Variants in SDK1 observed in about 807,000 individuals in gnomAD.
SDK1 encodes protein sidekick-1.
A neutral mutation model predicts 245.5 loss-of-function variants in SDK1; 157 were observed. The ratio of observed to expected loss-of-function variants is 0.64; its 90% confidence interval spans 0.56 to 0.73. The LOEUF (loss-of-function observed/expected upper bound fraction) is 0.73. Among genes scored for constraint, SDK1 ranks in the 30% least tolerant of loss-of-function variants. SDK1 has a pLI of 0.00. For synonymous variants in SDK1, 1,647 were observed against 1,278.5 expected (o/e 1.29, Z -6.15); for missense variants, 3,583 against 3,002.3 (o/e 1.19, Z -4.52).
intron 1 of SDK1, among the ~76,000 whole-genome samples, chr7:3,377,597 G>C (rs956141089): frequency 2.0e-5 from 3 of 152,014 alleles, no homozygotes; most frequent in African/African-American, 4.8e-5. Context: ...TGTGTCTGTT[G>C]TAACAGTTCT....
chr7:3,640,513 T>C (rs1161974283), intron 3 of SDK1, among the ~76,000 whole-genome samples: 2 of 152,202 alleles, frequency 1.3e-5, no homozygotes, highest in African/African-American at 4.8e-5. Context: ...TGCAGAATAA[T>C]TGAGAACTTT....
chr7:3,821,285 C>G (rs1178852889), intron 4 of SDK1, among the ~76,000 whole-genome samples, 165 bp from the exon 5 acceptor site: 1 of 152,234 alleles, frequency 6.6e-6, no homozygotes, highest in Non-Finnish European at 1.5e-5. Flanking sequence ...GAGGCTCTCT[C>G]TGGCGTTGTC....
At chr7:3,987,161 T>C (rs1204024946) in intron 13 of SDK1, 25 bp from the exon 14 acceptor site, 6 of 1,612,950 alleles carry the variant, frequency 3.7e-6, no homozygotes, top group Non-Finnish European at 5.1e-6. Flanking sequence ...TTCCTCTTTT[T>C]CCTTTTCATC....
intron 35 of SDK1, among the ~76,000 whole-genome samples, chr7:4,181,900 C>T (rs1782622943): frequency 6.6e-6 from 1 of 152,130 alleles, no homozygotes; most frequent in Non-Finnish European, 1.5e-5. Context: ...TTGGCTGAGG[C>T]CTGAAGCACC....
rs149561310 is a variant in SDK1, at chr7:4,051,849, G to A, written c.2911+19G>A. On this transcript the variant is annotated intron_variant, in intron 19 of 44. Coordinates refer to ENST00000404826, the MANE Select transcript of SDK1 (RefSeq NM_152744.4). ...GAAGACAGTGAGTATTCCTTTCTGC[G>A]TGTCTCTTAAGTCACTTGTCAAAGA... is the stretch of plus-strand genomic sequence containing the variant. 5.0e-5 allele frequency: 80 copies of A among 1,596,762 alleles called. No homozygotes were observed. Among genetic ancestry groups the A allele is most frequent in the African/African-American group, 9.4e-5 (7 of 74,466 alleles).
chr7:3,558,647 G>C (rs932652376), intron 1 of SDK1, among the ~76,000 whole-genome samples: 1 of 152,162 alleles, frequency 6.6e-6, no homozygotes, highest in Middle Eastern at 3.2e-3. Flanking sequence ...CTGTTAGAGC[G>C]ACCGCTGGGA....
At chr7:3,538,263 T>C (rs1216517906) in intron 1 of SDK1, among the ~76,000 whole-genome samples, 1 of 152,190 alleles carries the variant, frequency 6.6e-6, no homozygotes, top group Non-Finnish European at 1.5e-5. Flanking sequence ...CTTTCACACC[T>C]CCCACTGCTG....
At chr7:4,171,648 C>T (rs913895983) in intron 32 of SDK1, among the ~76,000 whole-genome samples, 4 of 152,180 alleles carry the variant, frequency 2.6e-5, no homozygotes, top group African/African-American at 4.8e-5. Flanking sequence ...TCCCCTCATC[C>T]ACTGGTGGTG....
chr7:3,569,064 T>C (rs1385367347), intron 1 of SDK1, among the ~76,000 whole-genome samples: 1 of 151,814 alleles, frequency 6.6e-6, no homozygotes. Flanking sequence ...CTTAATTTTC[T>C]CATCTGAAAA....
intron 1 of SDK1, among the ~76,000 whole-genome samples, chr7:3,536,247 T>C (rs1195871134): frequency 6.9e-6 from 1 of 145,976 alleles, no homozygotes; most frequent in Non-Finnish European, 1.5e-5. Flanking sequence ...TGTGTGTTTT[T>C]ACTAGAGACG....
In SDK1 at chr7:4,129,978, C is replaced by T. The variant is rs1273485520; in HGVS notation, c.4010C>T (p.Ser1337Leu). 3.7e-6 allele frequency: 6 copies of T among 1,613,794 alleles called. No homozygotes were observed. Among genetic ancestry groups the T allele is most frequent in the South Asian group, 1.1e-5 (1 of 91,076 alleles). Residue 1337 changes from serine to leucine, a missense_variant, in exon 27 of 45, where the codon TCG becomes TTG. Transcript: ENST00000404826. ...ATCGTGCGAGGGAACCACACGCAGTCGGCCCTGCTGGCAGGCCTGCGCAAG... is the reference window on the plus strand; with the variant it reads ...ATCGTGCGAGGGAACCACACGCAGTTGGCCCTGCTGGCAGGCCTGCGCAAG... The part of the protein sequence containing the change: ...SHIVRGNHTQ[S>L]ALLAGLRKFV...
At chr7:4,060,042 G>C (rs1254959355) in intron 19 of SDK1, among the ~76,000 whole-genome samples, 1 of 151,948 alleles carries the variant, frequency 6.6e-6, no homozygotes, top group Non-Finnish European at 1.5e-5. Context: ...ACCACACCTA[G>C]CTAACTTTTT....
chr7:3,803,320 T>C lies in SDK1; in HGVS notation c.714-18130T>C, dbSNP rs1279583798. On this transcript the variant is annotated intron_variant, in intron 4 of 44. Coordinates refer to ENST00000404826, the MANE Select transcript of SDK1 (RefSeq NM_152744.4). ...TTTTCTTTCTTTCTTTCTTTCTTTT[T>C]TTTTTTTGGAAACAAAGTCTTACTC... Among the ~76,000 whole-genome samples, 3 of 152,000 alleles carry C rather than the reference T, an allele frequency of 2.0e-5. No individual in the cohort carries two copies. In the South Asian group the frequency reaches 6.2e-4, roughly 32 times the overall value.
intron 1 of SDK1, among the ~76,000 whole-genome samples, chr7:3,451,272 A>G (rs938069470): frequency 6.6e-6 from 1 of 151,652 alleles, no homozygotes; most frequent in African/African-American, 2.4e-5. Flanking sequence ...CCGGAGTTCC[A>G]GGAAAAATAG....
chr7:3,442,095 T>G (rs112304933), intron 1 of SDK1, among the ~76,000 whole-genome samples: 2 of 152,162 alleles, frequency 1.3e-5, no homozygotes. Context: ...TGGGTGAGAT[T>G]ATGATAGATT....
intron 1 of SDK1, among the ~76,000 whole-genome samples, chr7:3,383,321 G>A (rs1185682791): frequency 6.6e-6 from 1 of 152,076 alleles, no homozygotes; most frequent in African/African-American, 2.4e-5. Context: ...TGAGATGGAA[G>A]GATCACTTGA....
intron 31 of SDK1, 40 bp from the exon 32 acceptor site, chr7:4,161,742 TAACA>T: frequency 6.4e-7 from 1 of 1,552,790 alleles, no homozygotes; most frequent in Non-Finnish European, 8.9e-7. Flanking sequence ...CGGCAGAACA[TAACA>T]ACCACCCTGA....
At chr7:4,252,587 T>C (rs942093639) in intron 44 of SDK1, among the ~76,000 whole-genome samples, 1 of 152,204 alleles carries the variant, frequency 6.6e-6, no homozygotes, top group Non-Finnish European at 1.5e-5. Context: ...TTTGTATCTA[T>C]ACTTATAAGG....
chr7:3,799,967 A>C (rs886112175), intron 4 of SDK1, among the ~76,000 whole-genome samples: 3 of 152,144 alleles, frequency 2.0e-5, no homozygotes, highest in African/African-American at 7.2e-5. Context: ...AGATGGAAAA[A>C]TATTCCTTTC....
Sources: gnomAD v4.1 joint callset for allele counts (sites outside exome capture counted in the v4.1 genomes callset) on GRCh38, gnomAD v4.1.1 for gene constraint, MANE v1.5 for transcripts, NCBI Gene and HGNC (gene_info 2026-07-23, HGNC 2026-07-21) for gene names.